Variants in CCDC191 observed in about 807,000 individuals in gnomAD.
The protein encoded by CCDC191 is coiled-coil domain containing 191, also known as coiled-coil domain-containing protein 191.
A neutral mutation model predicts 114.0 loss-of-function variants in CCDC191; 99 were observed. The observed-to-expected ratio is 0.87, with a 90% CI of 0.74 to 1.03. The LOEUF (loss-of-function observed/expected upper bound fraction) is 1.03, where lower values mean the gene tolerates loss of function less well. Ranked by LOEUF, CCDC191 falls within the 50% of genes least tolerant of loss-of-function variation. The probability of loss-of-function intolerance (pLI) is 0.00; values close to 1 mark genes in which losing one functional copy is unlikely to be tolerated. For synonymous variants in CCDC191, 351 were observed against 376.0 expected, an observed-to-expected ratio of 0.93 and a Z score of 0.77; for missense variants, 973 against 1,087.0, an observed-to-expected ratio of 0.90 and a Z score of 1.47.
chr3:114,035,838 G>A (rs1313060048), intron 5 of CCDC191, among the ~76,000 whole-genome samples: 5 of 151,994 alleles, frequency 3.3e-5, no homozygotes, highest in Non-Finnish European at 5.9e-5. Context: ...CTTATTGAAC[G>A]TTCTCTCCTC....
intron 13 of CCDC191, among the ~76,000 whole-genome samples, chr3:113,983,363 C>CA (rs2075239194): frequency 6.6e-6 from 1 of 152,146 alleles, no homozygotes; most frequent in African/African-American, 2.4e-5. Flanking sequence ...CCATTATAAA[C>CA]ATTGACTTGT....
At chr3:113,976,638 A>T (rs1441054623) in intron 16 of CCDC191, among the ~76,000 whole-genome samples, 2 of 151,656 alleles carry the variant, frequency 1.3e-5, no homozygotes, top group Non-Finnish European at 2.9e-5. Context: ...ATGACACTAA[A>T]CTAAAAAAAA....
chr3:113,964,698 G>A lies in CCDC191; in HGVS notation c.*457C>T, dbSNP rs1354217759. On this transcript the variant is annotated 3_prime_UTR_variant, in exon 17 of 17. Coordinates refer to ENST00000295878, the MANE Select transcript of CCDC191 (RefSeq NM_020817.2). ...GGGGTGGTGAAAGTGGACGAGGTCT[G>A]GTGGGGTGCGTGTCACTGATGCTAC... 6.6e-6 allele frequency: 1 copy of A among 152,366 alleles called. No homozygotes were observed. The highest frequency in any genetic ancestry group is 6.5e-5 in the Admixed American group (1 of 15,284). The allele number at this position is 152,366 out of a possible 1,614,324, so 9.4% of individuals were successfully genotyped here. A position where few individuals can be genotyped will look rare whatever the true frequency, so the allele number is the denominator to read the frequency against.
chr3:114,004,862 T>C lies in CCDC191; in HGVS notation c.1869-116A>G, dbSNP rs1289555033. The C allele has an allele frequency of 1.4e-5, 15 of 1,078,026 alleles. No homozygotes were observed. In the South Asian group the frequency reaches 2.2e-4, roughly 16 times the overall value. The allele number at this position is 1,078,026 out of a possible 1,614,324, so 66.8% of individuals were successfully genotyped here. A position where few individuals can be genotyped will look rare whatever the true frequency, so the allele number is the denominator to read the frequency against. On this transcript the variant is annotated intron_variant, in intron 10 of 16. Transcript: ENST00000295878. ...CTTAATGAATCCCTACTCTCTGAGATAACTACATATTATATCCACTCCATA... is the reference window on the plus strand; with the variant it reads ...CTTAATGAATCCCTACTCTCTGAGACAACTACATATTATATCCACTCCATA...
At chr3:114,007,212 T>C (rs906891283) in intron 9 of CCDC191, among the ~76,000 whole-genome samples, 4 of 152,202 alleles carry the variant, frequency 2.6e-5, no homozygotes, top group African/African-American at 9.6e-5. Context: ...GTGTCTCTTC[T>C]AGAATGGTTT....
In CCDC191 at chr3:114,036,747, G is replaced by A; in HGVS notation, c.455C>T (p.Thr152Ile). ...CAGATGGTCTATAAATTTTTGAACG[G>A]TGGTACTTTCCTCTTCTTCCTCCAA... ...GYLEEEEEST[T>I]VQKFIDHLLH... is the part of the protein sequence containing the mutation. Residue 152 changes from threonine to isoleucine, a missense_variant, in exon 5 of 17, where the codon ACC becomes ATC. Thr to Ile is a moderately conservative substitution (Grantham distance 89, BLOSUM62 -1). Coordinates refer to ENST00000295878, the MANE Select transcript of CCDC191 (RefSeq NM_020817.2). 6.3e-7 allele frequency: 1 copy of A among 1,582,230 alleles called. No individual in the cohort carries two copies. Among genetic ancestry groups the A allele is most frequent in the South Asian group, 1.2e-5 (1 of 85,632 alleles).
At position 114,031,764 on chromosome 3, in the gene CCDC191, T is replaced by C. The variant is rs1431962091; in HGVS notation, c.834A>G (p.Gln278=). The change falls in exon 7 of 17, where the codon CAA becomes CAG. Residue 278 remains glutamine, a synonymous_variant. Transcript: ENST00000295878. ...KAAWKIEKKR[Q]EENSQNSSEK... ...CTGAACTATTTTGAGAATTCTCTTC[T>C]TGCCTTTTCTTCTCTCTATTAATAA... is the stretch of plus-strand genomic sequence containing the variant. 6.4e-6 allele frequency: 9 copies of C among 1,409,504 alleles called. No individual in the cohort carries two copies. The highest frequency in any genetic ancestry group is 9.0e-6 in the Non-Finnish European group (9 of 1,002,648). 87.3% of individuals were successfully genotyped at this position (1,409,504 alleles called of 1,614,324 possible).
chr3:114,006,171 G>T, intron 9 of CCDC191: 2 of 644,368 alleles, frequency 3.1e-6, no homozygotes, highest in Non-Finnish European at 5.7e-6. Flanking sequence ...GAGAGTGGCC[G>T]GCTGTGGTGG....
intron 8 of CCDC191, among the ~76,000 whole-genome samples, chr3:114,016,147 CATA>C (rs2076154822): frequency 6.6e-6 from 1 of 152,188 alleles, no homozygotes; most frequent in South Asian, 2.1e-4. Context: ...AAATAACGAA[CATA>C]ATAAGTAATT....
intron 7 of CCDC191, among the ~76,000 whole-genome samples, chr3:114,031,391 C>A (rs1236292973): frequency 6.6e-6 from 1 of 152,158 alleles, no homozygotes; most frequent in Non-Finnish European, 1.5e-5. Context: ...ACCCCCCTCA[C>A]CCCAGTAATT....
chr3:114,042,966 A>T (rs2076583059), intron 3 of CCDC191, 120 bp from the exon 4 acceptor site: 2 of 883,716 alleles, frequency 2.3e-6, no homozygotes, highest in Non-Finnish European at 3.4e-6. Flanking sequence ...ACTGTTCTAG[A>T]TACTGGAATA....
intron 16 of CCDC191, among the ~76,000 whole-genome samples, chr3:113,973,797 T>C (rs1941058892): frequency 6.6e-6 from 1 of 152,064 alleles, no homozygotes; most frequent in Non-Finnish European, 1.5e-5. Flanking sequence ...TTGGTTTCTC[T>C]GACTTTCCTA....
chr3:114,050,688 C>G (rs909793097), intron 2 of CCDC191, among the ~76,000 whole-genome samples: 3 of 152,048 alleles, frequency 2.0e-5, no homozygotes, highest in Admixed American at 2.0e-4. Context: ...CATGGAGGAT[C>G]AGTATAGGGA....
intron 4 of CCDC191, among the ~76,000 whole-genome samples, chr3:114,040,279 T>C (rs2076543151): frequency 6.6e-6 from 1 of 152,224 alleles, no homozygotes; most frequent in Non-Finnish European, 1.5e-5. Context: ...CTCTATAATG[T>C]TCACACAATG....
intron 16 of CCDC191, 58 bp downstream of exon 16, chr3:113,978,128 A>G (rs2107602263): frequency 3.1e-6 from 5 of 1,588,298 alleles, no homozygotes; most frequent in East Asian, 2.2e-5. Context: ...GGAGCAGAAT[A>G]TATTGCTGAG....
chr3:114,029,083 C>T (rs1391971806), intron 7 of CCDC191, among the ~76,000 whole-genome samples: 3 of 151,920 alleles, frequency 2.0e-5, no homozygotes, highest in Admixed American at 6.6e-5. Context: ...TTCCAAAGAC[C>T]GTTTTTCCAA....
chr3:113,979,342 C>T (rs888870419), intron 14 of CCDC191, among the ~76,000 whole-genome samples: 2 of 152,210 alleles, frequency 1.3e-5, no homozygotes, highest in African/African-American at 4.8e-5. Flanking sequence ...ATTTGCTCTC[C>T]TGGAGCTTGG....
In CCDC191 at chr3:114,011,032, A is replaced by C. The variant is rs765250388; in HGVS notation, c.1164-11T>G. ...GCCAGTTGTTGTTTTCTAAGCAACAAAGCACTTCCATTAAAATAAAGAAGC... is the reference window on the plus strand; with the variant it reads ...GCCAGTTGTTGTTTTCTAAGCAACACAGCACTTCCATTAAAATAAAGAAGC... On this transcript the variant is annotated splice_polypyrimidine_tract_variant and intron_variant, in intron 8 of 16. Coordinates refer to ENST00000295878, the MANE Select transcript of CCDC191 (RefSeq NM_020817.2). 1.4e-5 allele frequency: 22 copies of C among 1,595,728 alleles called. No homozygotes were observed. The highest frequency in any genetic ancestry group is 1.6e-5 in the Non-Finnish European group (19 of 1,170,810).
intron 9 of CCDC191, among the ~76,000 whole-genome samples, chr3:114,006,587 G>GATATATATATATATATATAT (rs67264886): frequency 4.6e-4 from 38 of 82,594 alleles, no homozygotes; most frequent in East Asian, 3.1e-3. Context: ...GGTTACTCCA[G>GATATATATATATATATATAT]ATATATATAT....
Sources: gnomAD v4.1 joint callset for allele counts (sites outside exome capture counted in the v4.1 genomes callset) on GRCh38, gnomAD v4.1.1 for gene constraint, MANE v1.5 for transcripts, NCBI Gene and HGNC (gene_info 2026-07-23, HGNC 2026-07-21) for gene names.